Variants in KCNMA1 observed in about 807,000 individuals in gnomAD.
The protein encoded by KCNMA1 is potassium calcium-activated channel subfamily M alpha 1.
A neutral mutation model predicts 140.0 loss-of-function variants in KCNMA1; 29 were observed. The observed-to-expected ratio is 0.21, with a 90% confidence interval of 0.15 to 0.28. The LOEUF (loss-of-function observed/expected upper bound fraction) is 0.28. Among genes scored for constraint, KCNMA1 ranks in the 10% least tolerant of loss-of-function variants. The pLI is 1.00. For synonymous variants in KCNMA1, 612 were observed against 611.9 expected, an observed-to-expected ratio of 1.00 and a Z score of 0.00; for missense variants, 880 against 1,602.2, an observed-to-expected ratio of 0.55 and a Z score of 7.70.
At position 77,012,016 on chromosome 10, in the gene KCNMA1, A is replaced by G. The variant is rs146803262; in HGVS notation, c.2043T>C (p.His681=). The G allele has an allele frequency of 2.5e-6, 4 of 1,613,830 alleles. No individual in the cohort carries two copies. The highest frequency in any genetic ancestry group is 1.1e-5 in the South Asian group (1 of 91,082). ...TTCTTTTGGGATCTGTGATGTCATC[A>G]TGACAGGCCTTGCAGTAAAAAAATG... ...KRAFFYCKAC[H]DDITDPKRIK... Residue 681 remains histidine (H), a synonymous_variant, in exon 18 of 28, where the codon CAT becomes CAC. Transcript: ENST00000286628.
chr10:77,619,067 T>C lies in KCNMA1; in HGVS notation c.378+18198A>G, dbSNP rs191439438. ...GAAAGAGGGCAGGAGCTGGACCTTGTGAAAGGACTTCACTAAATAGTAATT... is the reference window on the plus strand; with the variant it reads ...GAAAGAGGGCAGGAGCTGGACCTTGCGAAAGGACTTCACTAAATAGTAATT... On this transcript the variant is annotated intron_variant, in intron 1 of 27. Coordinates refer to ENST00000286628, the MANE Select transcript of KCNMA1 (RefSeq NM_001161352.2). Among the ~76,000 whole-genome samples the C allele has an allele frequency of 6.6e-5, 10 of 152,340 alleles. No individual in the cohort carries two copies. The East Asian group carries it at 1.9e-3, about 29-fold the overall frequency.
chr10:77,050,230 A>T (rs369317217), intron 14 of KCNMA1, among the ~76,000 whole-genome samples: 1 of 151,890 alleles, frequency 6.6e-6, no homozygotes, highest in Non-Finnish European at 1.5e-5. Flanking sequence ...CAAGTTCATT[A>T]TTCCTAAATT....
intron 1 of KCNMA1, among the ~76,000 whole-genome samples, chr10:77,582,351 C>G (rs1271507490): frequency 6.6e-6 from 1 of 152,146 alleles, no homozygotes; most frequent in Non-Finnish European, 1.5e-5. Flanking sequence ...GCATAAACAA[C>G]TTAATATATG....
intron 1 of KCNMA1, among the ~76,000 whole-genome samples, chr10:77,503,406 A>T (rs1026044592): frequency 2.0e-5 from 3 of 152,200 alleles, no homozygotes; most frequent in Admixed American, 6.5e-5. Context: ...GAGACAGATC[A>T]CTTCACTTCT....
intron 5 of KCNMA1, among the ~76,000 whole-genome samples, chr10:77,125,976 G>T (rs2097723132): frequency 6.6e-6 from 1 of 152,162 alleles, no homozygotes; most frequent in South Asian, 2.1e-4. Context: ...TCAGGGAAAA[G>T]CCTTAACGAA....
chr10:77,523,568 G>A (rs548439374), intron 1 of KCNMA1, among the ~76,000 whole-genome samples: 1 of 152,364 alleles, frequency 6.6e-6, no homozygotes, highest in African/African-American at 2.4e-5. Context: ...GAAAGAGCAC[G>A]CAAGTGCCTT....
intron 14 of KCNMA1, among the ~76,000 whole-genome samples, chr10:77,062,864 C>G (rs2095804806): frequency 6.6e-6 from 1 of 152,140 alleles, no homozygotes; most frequent in Non-Finnish European, 1.5e-5. Context: ...CAATGTGTAA[C>G]AGTGGGGAAA....
chr10:76,876,629 G>A (rs985057344), downstream of KCNMA1: 1 of 152,160 alleles, frequency 6.6e-6, no homozygotes, highest in African/African-American at 2.4e-5. Context: ...AAGTTCATGT[G>A]TTTGGCCCCA....
At position 77,090,887 on chromosome 10, in the gene KCNMA1, C is replaced by T. The variant is rs190746332; in HGVS notation, c.1224-377G>A. 291 of 304,950 alleles carry T rather than the reference C, an allele frequency of 9.5e-4. 1 individual carries two copies. The highest frequency in any genetic ancestry group is 2.2e-3 in the Middle Eastern group (2 of 902). 18.9% of individuals were successfully genotyped at this position (304,950 alleles called of 1,614,324 possible). ...CCCTTTCTGCCCACAAAGCGTCCTC[C>T]GGGGAGATTTACTGTATGAGTCTTG... is the stretch of plus-strand genomic sequence containing the variant. On this transcript the variant is annotated intron_variant, in intron 9 of 27. Transcript: ENST00000286628.
At chr10:76,947,232 G>A (rs2064320016) in intron 22 of KCNMA1, among the ~76,000 whole-genome samples, 1 of 152,122 alleles carries the variant, frequency 6.6e-6, no homozygotes, top group South Asian at 2.1e-4. Context: ...AGCTACTCAG[G>A]AGACTGAGGC....
intron 5 of KCNMA1, among the ~76,000 whole-genome samples, chr10:77,127,248 A>G (rs2097762693): frequency 1.3e-5 from 2 of 151,984 alleles, no homozygotes; most frequent in African/African-American, 4.8e-5. Flanking sequence ...ACTTCTAACT[A>G]TATCTTTTTT....
At chr10:77,484,899 T>C (rs941261862) in intron 1 of KCNMA1, among the ~76,000 whole-genome samples, 1 of 152,218 alleles carries the variant, frequency 6.6e-6, no homozygotes, top group Non-Finnish European at 1.5e-5. Flanking sequence ...AGACAAGTAA[T>C]GGAACAAGAT....
At chr10:77,458,780 C>T (rs1048741379) in intron 1 of KCNMA1, among the ~76,000 whole-genome samples, 2 of 152,178 alleles carry the variant, frequency 1.3e-5, no homozygotes, top group Admixed American at 1.3e-4. Flanking sequence ...GGCAGAACCA[C>T]CCTGTCCAAC....
At chr10:77,598,066 G>A (rs955297607) in intron 1 of KCNMA1, among the ~76,000 whole-genome samples, 1 of 152,114 alleles carries the variant, frequency 6.6e-6, no homozygotes, top group Non-Finnish European at 1.5e-5. Context: ...CCGCCTCCCA[G>A]GTTCAAGTGA....
rs369389060 is a variant in KCNMA1 at position 77,211,267 on chromosome 10, G to A, written c.603-26351C>T. Among the ~76,000 whole-genome samples the A allele has an allele frequency of 6.6e-5, 10 of 152,208 alleles. No individual in the cohort carries two copies. The South Asian group carries it at 2.1e-3, about 32-fold the overall frequency. On this transcript the variant is annotated intron_variant, in intron 3 of 27. Coordinates refer to ENST00000286628, the MANE Select transcript of KCNMA1 (RefSeq NM_001161352.2). ...GTAAAAAAAACAGACATATAGATCA[G>A]TGGGACTGAACAGAGAACACAGAAA...
intron 1 of KCNMA1, among the ~76,000 whole-genome samples, chr10:77,446,902 T>G (rs1296606368): frequency 1.3e-5 from 2 of 152,212 alleles, no homozygotes; most frequent in Non-Finnish European, 2.9e-5. Flanking sequence ...CTGTTTTGCT[T>G]AGCTGGCAAG....
chr10:77,365,692 G>A (rs1275778312), intron 2 of KCNMA1, among the ~76,000 whole-genome samples: 1 of 151,898 alleles, frequency 6.6e-6, no homozygotes, highest in Non-Finnish European at 1.5e-5. Flanking sequence ...TTATAGTGCC[G>A]CTTTCACCTT....
At chr10:77,433,349 C>T (rs918456790) in intron 1 of KCNMA1, among the ~76,000 whole-genome samples, 7 of 152,130 alleles carry the variant, frequency 4.6e-5, no homozygotes, top group Non-Finnish European at 1.0e-4. Context: ...GACAGGGTTT[C>T]ACCATGTTGG....
intron 15 of KCNMA1, among the ~76,000 whole-genome samples, chr10:77,031,745 T>G (rs892126705): frequency 6.6e-6 from 1 of 152,210 alleles, no homozygotes; most frequent in East Asian, 1.9e-4. Flanking sequence ...GGGGAGCTGG[T>G]GTGGTAATCA....
Sources: gnomAD v4.1 joint callset for allele counts (sites outside exome capture counted in the v4.1 genomes callset) on GRCh38, gnomAD v4.1.1 for gene constraint, MANE v1.5 for transcripts, NCBI Gene and HGNC (gene_info 2026-07-23, HGNC 2026-07-21) for gene names.